The following RBFOX1 variants were observed in gnomAD, a reference collection of about 807,000 sequenced individuals.
RBFOX1 encodes RNA binding fox-1 homolog 1.
Under a neutral mutation model 57.7 loss-of-function variants are expected in RBFOX1, and 8 were observed. That is an observed-to-expected ratio of 0.14 (90% CI 0.08 to 0.25). RBFOX1 has a LOEUF of 0.25. Among genes scored for constraint, RBFOX1 ranks in the 10% least tolerant of loss-of-function variants. The pLI, the probability that RBFOX1 is intolerant of heterozygous loss-of-function variation, is 1.00. For synonymous variants in RBFOX1, 326 were observed against 222.4 expected, an observed-to-expected ratio of 1.47 and a Z score of -4.15; for missense variants, 611 against 548.5, an observed-to-expected ratio of 1.11 and a Z score of -1.14.
At chr16:5,924,031 C>A (rs2058891250) in intron 4 of RBFOX1, among the ~76,000 whole-genome samples, 1 of 151,870 alleles carries the variant, frequency 6.6e-6, no homozygotes, top group South Asian at 2.1e-4. Context: ...GGTAGTGTAC[C>A]CCATGCTGTT....
rs185569057 is a variant in RBFOX1, at chr16:5,372,694, C to T, written c.220-94522C>T. Among the ~76,000 whole-genome samples, 240 of 152,300 alleles carry T rather than the reference C, an allele frequency of 1.6e-3. 1 individual carries two copies. Among genetic ancestry groups the T allele is most frequent in the African/African-American group, 5.6e-3 (234 of 41,566 alleles). ...CGGCTTTGCAAGGAGCTGTTTCTTC[C>T]AAGGCTGCTGTATATCTATGTGGTT... is the stretch of plus-strand genomic sequence containing the variant. On this transcript the variant is annotated intron_variant, in intron 1 of 2. Coordinates refer to the RBFOX1 transcript ENST00000585867.
chr16:6,349,617 G>A (rs2085946546), intron 2 of RBFOX1, among the ~76,000 whole-genome samples: 1 of 152,166 alleles, frequency 6.6e-6, no homozygotes, highest in Non-Finnish European at 1.5e-5. Context: ...GCTCCAGCTT[G>A]CAGAGAGTGC....
chr16:6,845,825 C>G (rs1301378814), intron 3 of RBFOX1, among the ~76,000 whole-genome samples: 1 of 152,210 alleles, frequency 6.6e-6, no homozygotes, highest in Non-Finnish European at 1.5e-5. Flanking sequence ...TGTACCTCTT[C>G]CTTACCCCTC....
At chr16:6,501,506 A>G (rs2095926956) in intron 2 of RBFOX1, among the ~76,000 whole-genome samples, 1 of 151,964 alleles carries the variant, frequency 6.6e-6, no homozygotes, top group South Asian at 2.1e-4. Context: ...TCCATGGTGT[A>G]TATGTGCCAC....
chr16:7,459,022 G>T (rs568321807), intron 4 of RBFOX1, among the ~76,000 whole-genome samples: 44 of 152,262 alleles, frequency 2.9e-4, no homozygotes, highest in African/African-American at 1.0e-3. Context: ...GAATGGATGG[G>T]TGAATGGATG....
chr16:6,760,785 C>A (rs1198735685), intron 3 of RBFOX1, among the ~76,000 whole-genome samples: 16 of 152,172 alleles, frequency 1.1e-4, no homozygotes, highest in Admixed American at 3.3e-4. Context: ...TCACGTATTT[C>A]ACACAGAGTA....
intron 3 of RBFOX1, among the ~76,000 whole-genome samples, chr16:5,846,264 G>A (rs1158128925): frequency 3.3e-5 from 5 of 151,998 alleles, no homozygotes; most frequent in African/African-American, 1.2e-4. Flanking sequence ...CCCAGTAGTA[G>A]CATCTTTGAT....
At chr16:5,925,972 C>G (rs1326846557) in intron 4 of RBFOX1, among the ~76,000 whole-genome samples, 1 of 152,084 alleles carries the variant, frequency 6.6e-6, no homozygotes, top group African/African-American at 2.4e-5. Context: ...TTCCTATTGT[C>G]TATTGTCCTC....
At chr16:7,606,819 C>G (rs890025287) in intron 9 of RBFOX1, among the ~76,000 whole-genome samples, 4 of 152,126 alleles carry the variant, frequency 2.6e-5, no homozygotes, top group Non-Finnish European at 4.4e-5. Context: ...TTGGAATTCT[C>G]TAGTATCTCG....
chr16:5,722,504 G>C (rs1334341706), intron 3 of RBFOX1, among the ~76,000 whole-genome samples: 1 of 152,162 alleles, frequency 6.6e-6, no homozygotes, highest in African/African-American at 2.4e-5. Flanking sequence ...CCCGTGTCCA[G>C]GTGTCCCCAG....
At chr16:7,329,061 G>A (rs1330236394) in intron 4 of RBFOX1, among the ~76,000 whole-genome samples, 8 of 152,162 alleles carry the variant, frequency 5.3e-5, no homozygotes. Context: ...TCCTTCTTTG[G>A]TGTATTGTCA....
At chr16:5,679,555 C>T (rs1206459694) in intron 3 of RBFOX1, among the ~76,000 whole-genome samples, 3 of 152,124 alleles carry the variant, frequency 2.0e-5, no homozygotes, top group South Asian at 2.1e-4. Flanking sequence ...TCCCTGTGTC[C>T]ATGTGTTCTC....
chr16:6,434,828 T>A (rs1238988940), intron 2 of RBFOX1, among the ~76,000 whole-genome samples: 1 of 152,226 alleles, frequency 6.6e-6, no homozygotes, highest in African/African-American at 2.4e-5. Context: ...CTTCCAATGA[T>A]TTGTACCTCA....
At chr16:6,350,614 A>T (rs762501966) in intron 2 of RBFOX1, among the ~76,000 whole-genome samples, 1 of 152,076 alleles carries the variant, frequency 6.6e-6, no homozygotes, top group South Asian at 2.1e-4. Flanking sequence ...CCATACATCT[A>T]TGAAAGACCT....
chr16:6,529,429 C>G (rs1044420138), intron 2 of RBFOX1, among the ~76,000 whole-genome samples: 6 of 151,916 alleles, frequency 3.9e-5, no homozygotes, highest in Non-Finnish European at 8.8e-5. Flanking sequence ...TGTGGTGGCA[C>G]ACACCTGTAA....
At chr16:7,454,064 C>T (rs1325966648) in intron 4 of RBFOX1, among the ~76,000 whole-genome samples, 2 of 152,176 alleles carry the variant, frequency 1.3e-5, no homozygotes. Context: ...GAAACCCCGT[C>T]TCTACTAAAA....
chr16:6,680,195 C>T (rs76693768), intron 3 of RBFOX1, among the ~76,000 whole-genome samples: 4,559 of 151,252 alleles, frequency 0.03, 93 homozygotes, highest in Non-Finnish European at 0.049. Context: ...TATGGAGCTG[C>T]GCATATATTC....
chr16:6,857,235 C>T (rs2058074545), intron 3 of RBFOX1, among the ~76,000 whole-genome samples: 1 of 152,140 alleles, frequency 6.6e-6, no homozygotes, highest in Non-Finnish European at 1.5e-5. Context: ...TCATATTACA[C>T]AATATTGATA....
At chr16:5,918,318 C>G (rs1336603424) in intron 4 of RBFOX1, among the ~76,000 whole-genome samples, 1 of 152,138 alleles carries the variant, frequency 6.6e-6, no homozygotes, top group African/African-American at 2.4e-5. Flanking sequence ...CGGGGTTTCA[C>G]CATGTTGGCC....
Sources: gnomAD v4.1 joint callset for allele counts (sites outside exome capture counted in the v4.1 genomes callset) on GRCh38, gnomAD v4.1.1 for gene constraint, MANE v1.5 for transcripts, NCBI Gene and HGNC (gene_info 2026-07-23, HGNC 2026-07-21) for gene names.